Variants in CDH12 observed in about 807,000 individuals in gnomAD.
CDH12 encodes cadherin 12.
CDH12 carries 41 observed loss-of-function variants against 74.1 expected under a neutral mutation model. The ratio of observed to expected loss-of-function variants is 0.55; its 90% CI spans 0.43 to 0.72. The LOEUF is 0.72. CDH12 is among the 30% of genes least tolerant of loss of function. The pLI is 0.00. For missense variants in CDH12, 945 were observed against 977.2 expected, an observed-to-expected ratio of 0.97 and a Z score of 0.44; for synonymous variants, 399 against 355.0, an observed-to-expected ratio of 1.12 and a Z score of -1.39.
At chr5:22,564,190 C>A (rs1409467135) in intron 1 of CDH12, among the ~76,000 whole-genome samples, 1 of 152,128 alleles carries the variant, frequency 6.6e-6, no homozygotes, top group Non-Finnish European at 1.5e-5. Flanking sequence ...GTTCTGAATT[C>A]TTCATTAGCT....
chr5:22,121,812 C>T (rs1470816088), intron 4 of CDH12, among the ~76,000 whole-genome samples: 2 of 152,056 alleles, frequency 1.3e-5, no homozygotes, highest in Non-Finnish European at 2.9e-5. Flanking sequence ...CAGAACATTA[C>T]CAAGCCCTCT....
intron 2 of CDH12, among the ~76,000 whole-genome samples, chr5:22,483,899 T>C (rs926491865): frequency 4.7e-5 from 7 of 149,422 alleles, no homozygotes; most frequent in Non-Finnish European, 8.9e-5. Flanking sequence ...GACATGAGTA[T>C]AGAAAATGAG....
chr5:21,887,570 C>T (rs1273251018), intron 6 of CDH12, among the ~76,000 whole-genome samples: 1 of 152,124 alleles, frequency 6.6e-6, no homozygotes, highest in African/African-American at 2.4e-5. Flanking sequence ...TCCCTATTCT[C>T]CTTCAACAAT....
chr5:22,475,765 T>C (rs1202407019), intron 2 of CDH12, among the ~76,000 whole-genome samples: 1 of 152,028 alleles, frequency 6.6e-6, no homozygotes, highest in Non-Finnish European at 1.5e-5. Context: ...TGAAAAGAAA[T>C]CAGTAACTTT....
intron 1 of CDH12, among the ~76,000 whole-genome samples, chr5:22,718,810 T>C (rs142771571): frequency 1.3e-5 from 2 of 152,190 alleles, no homozygotes; most frequent in African/African-American, 4.8e-5. Context: ...GGGGCATTCC[T>C]CTGTGTATTG....
intron 1 of CDH12, among the ~76,000 whole-genome samples, chr5:22,660,127 G>A (rs934434780): frequency 5.9e-5 from 9 of 152,148 alleles, no homozygotes; most frequent in African/African-American, 2.2e-4. Context: ...TGAAAAGCAT[G>A]GAGATATTTG....
chr5:22,715,765 C>T (rs1580919553), intron 1 of CDH12, among the ~76,000 whole-genome samples: 1 of 148,600 alleles, frequency 6.7e-6, no homozygotes, highest in Non-Finnish European at 1.5e-5. Context: ...CGCGCCATTG[C>T]ACTCCAGCCT....
chr5:21,896,684 G>A (rs953958850), intron 6 of CDH12, among the ~76,000 whole-genome samples: 3 of 152,024 alleles, frequency 2.0e-5, no homozygotes, highest in African/African-American at 7.2e-5. Context: ...ACTGACAAAT[G>A]ATGGAAAACA....
chr5:22,346,384 C>G, intron 3 of CDH12, among the ~76,000 whole-genome samples: 1 of 151,642 alleles, frequency 6.6e-6, no homozygotes, highest in East Asian at 1.9e-4. Flanking sequence ...TTATTTTATC[C>G]CCAGATTACT....
intron 4 of CDH12, among the ~76,000 whole-genome samples, chr5:22,186,966 C>G (rs1212977390): frequency 6.6e-6 from 1 of 151,984 alleles, no homozygotes; most frequent in Non-Finnish European, 1.5e-5. Flanking sequence ...ACTTAAAGTA[C>G]AGTTTTAGGG....
intron 4 of CDH12, among the ~76,000 whole-genome samples, chr5:22,193,357 G>A (rs1001779863): frequency 2.0e-5 from 3 of 152,170 alleles, no homozygotes; most frequent in African/African-American, 7.2e-5. Flanking sequence ...TTTCGATGTC[G>A]TGTTTTTTGA....
At chr5:22,119,681 A>T (rs890541093) in intron 4 of CDH12, among the ~76,000 whole-genome samples, 1 of 152,206 alleles carries the variant, frequency 6.6e-6, no homozygotes, top group African/African-American at 2.4e-5. Flanking sequence ...ATGCCTTCAT[A>T]GCCAAAAGGA....
intron 6 of CDH12, among the ~76,000 whole-genome samples, chr5:21,892,784 T>C (rs1358216610): frequency 6.6e-6 from 1 of 152,106 alleles, no homozygotes; most frequent in South Asian, 2.1e-4. Context: ...CCTGATTTGG[T>C]TTCAGGAAAA....
chr5:22,029,034 G>T (rs1177319230), intron 5 of CDH12, among the ~76,000 whole-genome samples: 1 of 152,242 alleles, frequency 6.6e-6, no homozygotes, highest in South Asian at 2.1e-4. Context: ...TTTAACAAAT[G>T]GTGCTGGGAA....
At chr5:22,190,259 T>C (rs1750191632) in intron 4 of CDH12, among the ~76,000 whole-genome samples, 1 of 152,038 alleles carries the variant, frequency 6.6e-6, no homozygotes, top group Non-Finnish European at 1.5e-5. Context: ...TGACACTACA[T>C]ATAGACACAC....
intron 1 of CDH12, among the ~76,000 whole-genome samples, chr5:22,820,945 A>T (rs1749666941): frequency 6.6e-6 from 1 of 152,226 alleles, no homozygotes; most frequent in Admixed American, 6.5e-5. Context: ...AGAGAATTTT[A>T]GACCAATACC....
rs1561586190 is a variant in CDH12 at position 22,698,741 on chromosome 5, T to TATA, written c.-523+154316_-523+154317insTAT. 3.4e-4 allele frequency among the ~76,000 whole-genome samples: 12 copies of TATA among 35,594 alleles called. 1 individual carries two copies. Among genetic ancestry groups the TATA allele is most frequent in the Non-Finnish European group, 6.8e-4 (12 of 17,636 alleles). The allele number at this position is 35,594 out of a possible 152,430, so 23.4% of individuals were successfully genotyped here. ...TATATATATATATATATATAGTGTG[T>TATA]GTGTGTGTGTGTGTGTGTGTGTGTG... is the stretch of plus-strand genomic sequence containing the variant. On this transcript the variant is annotated intron_variant, in intron 1 of 14. Coordinates refer to ENST00000382254, the MANE Select transcript of CDH12 (RefSeq NM_004061.5).
At chr5:22,224,403 A>C (rs1752123599) in intron 3 of CDH12, among the ~76,000 whole-genome samples, 2 of 150,024 alleles carry the variant, frequency 1.3e-5, no homozygotes, top group Admixed American at 1.3e-4. Context: ...AATCAGGTGC[A>C]TCCTGCATGA....
At chr5:22,725,568 C>T (rs539861659) in intron 1 of CDH12, among the ~76,000 whole-genome samples, 23 of 144,886 alleles carry the variant, frequency 1.6e-4, no homozygotes, top group African/African-American at 4.6e-4. Flanking sequence ...TTTTGGTGGA[C>T]GAGAAGAGGC....
Sources: gnomAD v4.1 joint callset for allele counts (sites outside exome capture counted in the v4.1 genomes callset) on GRCh38, gnomAD v4.1.1 for gene constraint, MANE v1.5 for transcripts, NCBI Gene and HGNC (gene_info 2026-07-23, HGNC 2026-07-21) for gene names.